RBFOX1: variants seen among roughly 807,000 people sequenced by gnomAD.
RBFOX1 encodes the protein RNA binding fox-1 homolog 1.
RBFOX1 carries 8 observed loss-of-function variants against 57.7 expected under a neutral mutation model. The observed-to-expected ratio is 0.14, with a 90% CI of 0.08 to 0.25. The LOEUF (loss-of-function observed/expected upper bound fraction) is 0.25, where lower values mean the gene tolerates loss of function less well. RBFOX1 is among the 10% of genes least tolerant of loss of function. RBFOX1 has a pLI of 1.00. For missense variants in RBFOX1, 611 were observed against 548.5 expected, an observed-to-expected ratio of 1.11 and a Z score of -1.14; for synonymous variants, 326 against 222.4, an observed-to-expected ratio of 1.47 and a Z score of -4.15.
chr16:7,452,027 T>C (rs973593572), intron 4 of RBFOX1, among the ~76,000 whole-genome samples: 1 of 152,186 alleles, frequency 6.6e-6, no homozygotes, highest in Admixed American at 6.5e-5. Flanking sequence ...TCTTATTCCA[T>C]GACCAAAGCA....
intron 4 of RBFOX1, among the ~76,000 whole-genome samples, chr16:7,148,139 C>T (rs577547181): frequency 6.6e-6 from 1 of 152,012 alleles, no homozygotes; most frequent in African/African-American, 2.4e-5. Flanking sequence ...GAAAACAAAG[C>T]AAAAAATGCT....
In RBFOX1 at chr16:6,529,732, C is replaced by T. The variant is rs141619197; in HGVS notation, c.-63-124871C>T. 6.2e-4 allele frequency among the ~76,000 whole-genome samples: 94 copies of T among 152,120 alleles called. No homozygotes were observed. In the South Asian group the frequency reaches 0.01, roughly 17 times the overall value. On this transcript the variant is annotated intron_variant, in intron 2 of 15. Coordinates refer to ENST00000550418, the MANE Select transcript of RBFOX1 (RefSeq NM_018723.4). ...AATTGCATAGACTCCACAACACGTA[C>T]GGAAGAAGGTGTTTAAAGTTCTACA...
chr16:7,279,283 G>A (rs567408501), intron 4 of RBFOX1, among the ~76,000 whole-genome samples: 1 of 152,248 alleles, frequency 6.6e-6, no homozygotes, highest in South Asian at 2.1e-4. Context: ...AAGTGGTACA[G>A]TGTCTCTTTG....
intron 3 of RBFOX1, among the ~76,000 whole-genome samples, chr16:6,929,557 TGAG>T (rs1369666675): frequency 6.6e-6 from 1 of 152,080 alleles, no homozygotes; most frequent in Non-Finnish European, 1.5e-5. Flanking sequence ...ACTGTAGCTG[TGAG>T]GGAAGAGGTC....
chr16:7,619,913 C>T (rs550921781), intron 10 of RBFOX1, among the ~76,000 whole-genome samples: 13 of 152,264 alleles, frequency 8.5e-5, no homozygotes, highest in South Asian at 6.2e-4. Flanking sequence ...GTGGCTCTGC[C>T]GGACAGGAAT....
intron 8 of RBFOX1, 75 bp downstream of exon 8, chr16:7,595,716 C>T (rs922328244): frequency 4.9e-6 from 6 of 1,226,614 alleles, no homozygotes; most frequent in Admixed American, 2.1e-5. Context: ...GTTCCAGATG[C>T]ATCATTGGCG....
Position 6,739,923 on chromosome 16 carries a change from A to C in RBFOX1, c.-16+85273A>C, listed in dbSNP as rs999508166. Among the ~76,000 whole-genome samples, 3 of 152,280 alleles carry C rather than the reference A, an allele frequency of 2.0e-5. No homozygotes were observed. The East Asian group carries it at 5.8e-4, about 29-fold the overall frequency. ...ACATTCCACTTTATTTTATGAAGCC[A>C]TTACACTCTGGTCACAAAACTGGAC... On this transcript the variant is annotated intron_variant, in intron 3 of 15. Coordinates refer to ENST00000550418, the MANE Select transcript of RBFOX1 (RefSeq NM_018723.4).
chr16:7,527,898 A>C lies in RBFOX1; in HGVS notation c.270+9509A>C, dbSNP rs565393600. ...AATACATTCATCATAAGAATTGTGA[A>C]ATTTCCCGTTTCAAGTGCCAAACTA... On this transcript the variant is annotated intron_variant, in intron 5 of 15. Coordinates refer to ENST00000550418, the MANE Select transcript of RBFOX1 (RefSeq NM_018723.4). 9.8e-5 allele frequency among the ~76,000 whole-genome samples: 15 copies of C among 152,358 alleles called. No homozygotes were observed. In the South Asian group the frequency reaches 2.9e-3, roughly 29 times the overall value.
chr16:6,846,550 G>A (rs774313101), intron 3 of RBFOX1, among the ~76,000 whole-genome samples: 1 of 152,188 alleles, frequency 6.6e-6, no homozygotes, highest in East Asian at 1.9e-4. Flanking sequence ...CAAGGGAGCT[G>A]TTCGGGGAGC....
chr16:6,478,648 A>G (rs1302867705), intron 2 of RBFOX1, among the ~76,000 whole-genome samples: 1 of 151,436 alleles, frequency 6.6e-6, no homozygotes, highest in East Asian at 1.9e-4. Flanking sequence ...CTTTCACCTG[A>G]ACACTTAGAG....
chr16:6,588,046 A>C (rs1461110538), intron 2 of RBFOX1, among the ~76,000 whole-genome samples: 4 of 151,944 alleles, frequency 2.6e-5, no homozygotes, highest in Admixed American at 2.6e-4. Context: ...CCTGGCCAAC[A>C]TGGTGAAACC....
At chr16:7,073,347 T>C (rs2057710223) in intron 4 of RBFOX1, among the ~76,000 whole-genome samples, 1 of 152,164 alleles carries the variant, frequency 6.6e-6, no homozygotes, top group Non-Finnish European at 1.5e-5. Context: ...CCCATGACTG[T>C]AGACAAATCC....
intron 3 of RBFOX1, chr16:6,774,000 T>C: frequency 1.0e-6 from 1 of 985,320 alleles, no homozygotes; most frequent in Non-Finnish European, 1.2e-6. Flanking sequence ...TGTAATTAGC[T>C]CCTCAGAGAC....
chr16:6,078,249 C>A (rs1452037214), intron 1 of RBFOX1, among the ~76,000 whole-genome samples: 1 of 152,138 alleles, frequency 6.6e-6, no homozygotes, highest in Non-Finnish European at 1.5e-5. Context: ...AATATTATTA[C>A]ACAGGGTTTC....
At chr16:6,245,621 C>G (rs1401769689) in intron 1 of RBFOX1, among the ~76,000 whole-genome samples, 1 of 152,166 alleles carries the variant, frequency 6.6e-6, no homozygotes, top group Non-Finnish European at 1.5e-5. Context: ...CTTCTGTGTG[C>G]TAGAGTAGTG....
intron 4 of RBFOX1, among the ~76,000 whole-genome samples, chr16:6,004,994 A>AAAAAC (rs139025468): frequency 2.6e-5 from 4 of 151,802 alleles, no homozygotes; most frequent in South Asian, 4.2e-4. Context: ...TTTGTTGCTA[A>AAAAAC]AAAACAAAAC....
chr16:6,858,435 C>T (rs1014444486), intron 3 of RBFOX1, among the ~76,000 whole-genome samples: 4 of 152,078 alleles, frequency 2.6e-5, no homozygotes, highest in African/African-American at 9.7e-5. Context: ...TGAAGGAGTT[C>T]CACAATCTCG....
chr16:5,768,998 C>T (rs568965784), intron 3 of RBFOX1, among the ~76,000 whole-genome samples: 1 of 151,560 alleles, frequency 6.6e-6, no homozygotes, highest in East Asian at 1.9e-4. Context: ...CTGCCTGGAG[C>T]ACCATTAGTG....
intron 3 of RBFOX1, among the ~76,000 whole-genome samples, chr16:5,790,322 C>T (rs2054647178): frequency 6.6e-6 from 1 of 152,110 alleles, no homozygotes; most frequent in African/African-American, 2.4e-5. Context: ...ATGGGAAAGG[C>T]TTGCCAGAGG....
Sources: allele counts gnomAD v4.1 joint callset (sites outside exome capture counted in the v4.1 genomes callset), GRCh38; gene constraint gnomAD v4.1.1; transcripts MANE v1.5; gene names NCBI Gene and HGNC (gene_info 2026-07-23, HGNC 2026-07-21).